The following SMYD3 variants were observed in gnomAD, a reference collection of about 807,000 sequenced individuals.
The protein encoded by SMYD3 is histone-lysine N-methyltransferase SMYD3.
SMYD3 carries 36 observed loss-of-function variants against 57.7 expected under a neutral mutation model. The observed-to-expected ratio is 0.62, with a 90% CI of 0.48 to 0.82. The LOEUF (loss-of-function observed/expected upper bound fraction) is 0.82. Ranked by LOEUF, SMYD3 falls within the 40% of genes least tolerant of loss-of-function variation. The probability of loss-of-function intolerance (pLI) is 0.00; values close to 1 mark genes in which losing one functional copy is unlikely to be tolerated. For missense variants in SMYD3, 515 were observed against 538.8 expected (o/e 0.96, Z 0.44); for synonymous variants, 211 against 195.0 (o/e 1.08, Z -0.68).
At chr1:246,221,502 C>T (rs1165461063) in intron 5 of SMYD3, among the ~76,000 whole-genome samples, 1 of 152,356 alleles carries the variant, frequency 6.6e-6, no homozygotes, top group East Asian at 1.9e-4. Flanking sequence ...TAGCCCAGAC[C>T]TGGGAGCTCC....
intron 1 of SMYD3, among the ~76,000 whole-genome samples, chr1:246,443,115 C>T (rs189100641): frequency 5.5e-4 from 84 of 152,276 alleles, no homozygotes; most frequent in African/African-American, 1.9e-3. Flanking sequence ...TATGTATTTG[C>T]ATTAAGTAAC....
chr1:245,790,495 C>T (rs904609123), intron 10 of SMYD3, among the ~76,000 whole-genome samples: 11 of 152,218 alleles, frequency 7.2e-5, no homozygotes, highest in African/African-American at 2.4e-4. Flanking sequence ...GCAGCATCTG[C>T]ACCTTGAGGG....
In SMYD3 at chr1:246,125,079, A is replaced by ACACACACACACACACAC. The variant is rs1206513856; in HGVS notation, c.532-195143_532-195142insGTGTGTGTGTGTGTGTG. On this transcript the variant is annotated intron_variant, in intron 5 of 11. Coordinates refer to ENST00000490107, the MANE Select transcript of SMYD3 (RefSeq NM_001167740.2). Reference sequence around the variant, plus strand: ...AGAGCGAGACTCCGTCTCAAAAAAAAAAAAAAAAACACACACACACACACA... The same window carrying ACACACACACACACACAC: ...AGAGCGAGACTCCGTCTCAAAAAAAACACACACACACACACACAAAAAAAAACACACACACACACACA... Among the ~76,000 whole-genome samples the ACACACACACACACACAC allele has an allele frequency of 3.3e-3, 353 of 108,234 alleles. 2 individuals are homozygous for ACACACACACACACACAC. Among genetic ancestry groups the ACACACACACACACACAC allele is most frequent in the African/African-American group, 8.0e-3 (290 of 36,086 alleles). The allele number at this position is 108,234 out of a possible 152,430, so 71.0% of individuals were successfully genotyped here.
intron 1 of SMYD3, among the ~76,000 whole-genome samples, chr1:246,452,776 T>A (rs143370817): frequency 1.3e-5 from 2 of 152,176 alleles, no homozygotes; most frequent in Admixed American, 1.3e-4. Context: ...CTTAGCAAAA[T>A]AGCAATAGAT....
rs554938440 is a variant in SMYD3, at chr1:246,031,694, G to A, written c.532-101757C>T. Among the ~76,000 whole-genome samples the A allele has an allele frequency of 3.4e-3, 504 of 148,796 alleles. 2 individuals are homozygous for A. Among genetic ancestry groups the A allele is most frequent in the Non-Finnish European group, 5.2e-3 (353 of 67,734 alleles). ...GGAGGATGCAGTGAGCAGAGATCGCGCCACTGCACTCCAGCCTGGGCGACA... is the reference window on the plus strand; with the variant it reads ...GGAGGATGCAGTGAGCAGAGATCGCACCACTGCACTCCAGCCTGGGCGACA... On this transcript the variant is annotated intron_variant, in intron 5 of 11. Coordinates refer to ENST00000490107, the MANE Select transcript of SMYD3 (RefSeq NM_001167740.2).
intron 5 of SMYD3, among the ~76,000 whole-genome samples, chr1:246,306,835 G>A (rs1221209288): frequency 6.6e-6 from 1 of 152,162 alleles, no homozygotes; most frequent in South Asian, 2.1e-4. Context: ...CAAGGATTTT[G>A]CCGAGTCATG....
In SMYD3 at chr1:246,413,938, A is replaced by C. The variant is rs2067017429; in HGVS notation, c.165-58844T>G. ...CCACAAGTGATTAAAACTCCGAAAA[A>C]ACAAAACCATTAACCTTACGAATTA... On this transcript the variant is annotated intron_variant, in intron 1 of 11. Coordinates refer to ENST00000490107, the MANE Select transcript of SMYD3 (RefSeq NM_001167740.2). Among the ~76,000 whole-genome samples the C allele has an allele frequency of 2.6e-5, 4 of 152,232 alleles. No homozygotes were observed. The South Asian group carries it at 8.3e-4, about 31-fold the overall frequency.
chr1:245,857,757 C>T (rs992418092), intron 10 of SMYD3, among the ~76,000 whole-genome samples: 2 of 152,176 alleles, frequency 1.3e-5, no homozygotes, highest in Non-Finnish European at 2.9e-5. Flanking sequence ...CTCCGTCTCA[C>T]CTTCTAGAAT....
chr1:245,972,784 T>C (rs959867965), intron 5 of SMYD3, among the ~76,000 whole-genome samples: 42 of 152,116 alleles, frequency 2.8e-4, no homozygotes, highest in African/African-American at 9.9e-4. Flanking sequence ...AGCAACACCA[T>C]GGAAAGAATC....
intron 5 of SMYD3, among the ~76,000 whole-genome samples, chr1:246,255,993 C>G (rs1230634456): frequency 7.9e-5 from 11 of 138,856 alleles, no homozygotes; most frequent in South Asian, 2.5e-4. Flanking sequence ...TAGATACACA[C>G]ACACATACAT....
At chr1:246,255,987 T>TAGATACAC (rs1407167583) in intron 5 of SMYD3, among the ~76,000 whole-genome samples, 112 of 138,652 alleles carry the variant, frequency 8.1e-4, no homozygotes, top group Non-Finnish European at 1.5e-3. Context: ...GATAGATAGA[T>TAGATACAC]ACACACACAC....
intron 5 of SMYD3, among the ~76,000 whole-genome samples, chr1:246,289,933 A>T (rs886554715): frequency 6.6e-6 from 1 of 152,242 alleles, no homozygotes; most frequent in Admixed American, 6.5e-5. Context: ...ACTCACTTGT[A>T]TATATTTATC....
intron 1 of SMYD3, among the ~76,000 whole-genome samples, chr1:246,419,751 C>T (rs749407598): frequency 6.6e-6 from 1 of 152,356 alleles, no homozygotes; most frequent in East Asian, 1.9e-4. Flanking sequence ...AAGTTGCATG[C>T]TCCTTATGAG....
intron 5 of SMYD3, among the ~76,000 whole-genome samples, chr1:245,961,150 T>C (rs1299580736): frequency 6.6e-6 from 1 of 152,178 alleles, no homozygotes. Context: ...TGGTCTACTC[T>C]GCATTCTCCC....
At chr1:246,022,937 T>C (rs769270818) in intron 5 of SMYD3, among the ~76,000 whole-genome samples, 1 of 152,236 alleles carries the variant, frequency 6.6e-6, no homozygotes, top group Non-Finnish European at 1.5e-5. Flanking sequence ...GAATTTTCCA[T>C]TTCCCTTTTT....
At chr1:246,191,479 A>G (rs1023457107) in intron 5 of SMYD3, among the ~76,000 whole-genome samples, 25 of 152,254 alleles carry the variant, frequency 1.6e-4, no homozygotes, top group African/African-American at 3.6e-4. Context: ...CACAAAAATT[A>G]GTCATGTAAC....
At chr1:245,824,722 G>A (rs533836235) in intron 10 of SMYD3, among the ~76,000 whole-genome samples, 4 of 152,104 alleles carry the variant, frequency 2.6e-5, no homozygotes, top group Non-Finnish European at 5.9e-5. Flanking sequence ...CAGGTGTGGT[G>A]GTGCATGCCT....
intron 5 of SMYD3, among the ~76,000 whole-genome samples, chr1:246,189,384 C>T (rs2062696781): frequency 6.6e-6 from 1 of 152,148 alleles, no homozygotes; most frequent in South Asian, 2.1e-4. Flanking sequence ...ACGCAAGTGT[C>T]GGTAACAGTT....
intron 5 of SMYD3, among the ~76,000 whole-genome samples, chr1:246,285,893 A>G (rs1423885462): frequency 1.3e-5 from 2 of 152,226 alleles, no homozygotes; most frequent in Non-Finnish European, 2.9e-5. Context: ...AAAAATGCAC[A>G]ACCTCACTAA....
Sources: allele counts gnomAD v4.1 joint callset (sites outside exome capture counted in the v4.1 genomes callset), GRCh38; gene constraint gnomAD v4.1.1; transcripts MANE v1.5; gene names NCBI Gene and HGNC (gene_info 2026-07-23, HGNC 2026-07-21).